Variants in SEC14L5 observed in about 807,000 individuals in gnomAD.
SEC14L5 encodes SEC14 like lipid binding 5.
A neutral mutation model predicts 84.6 loss-of-function variants in SEC14L5; 96 were observed. The observed-to-expected ratio is 1.13, with a 90% CI of 0.96 to 1.34. The LOEUF (loss-of-function observed/expected upper bound fraction) is 1.34, where lower values mean the gene tolerates loss of function less well. Ranked by LOEUF, SEC14L5 falls within the 40% of genes most tolerant of loss-of-function variation. The pLI is 0.00. For missense variants in SEC14L5, 1,224 were observed against 942.5 expected (o/e 1.30, Z -3.91); for synonymous variants, 546 against 383.4 (o/e 1.42, Z -4.95).
At chr16:4,968,084 T>C (rs973007334) in intron 2 of SEC14L5, among the ~76,000 whole-genome samples, 4 of 149,912 alleles carry the variant, frequency 2.7e-5, no homozygotes, top group Non-Finnish European at 4.4e-5. Context: ...AGTGGTGCAA[T>C]CATGGCTCAC....
chr16:5,006,142 A>G, intron 12 of SEC14L5, 94 bp downstream of exon 12: 1 of 1,353,070 alleles, frequency 7.4e-7, no homozygotes, highest in Non-Finnish European at 1.0e-6. Context: ...TGGGAGGTGG[A>G]GGGGGGCTGG....
At chr16:4,977,378 C>T (rs1209386706) in intron 2 of SEC14L5, among the ~76,000 whole-genome samples, 1 of 118,040 alleles carries the variant, frequency 8.5e-6, no homozygotes, top group Admixed American at 1.2e-4. Flanking sequence ...ACCCAGGAGG[C>T]GGAGGCGGCA....
intron 7 of SEC14L5, 97 bp downstream of exon 7, chr16:4,996,557 C>T (rs763867226): frequency 9.3e-5 from 62 of 664,198 alleles, no homozygotes; most frequent in Non-Finnish European, 3.5e-5. Context: ...ATAATGCTGA[C>T]ACATTATCTC....
chr16:4,989,973 G>T (rs1382540229), intron 4 of SEC14L5, among the ~76,000 whole-genome samples: 1 of 151,980 alleles, frequency 6.6e-6, no homozygotes, highest in Non-Finnish European at 1.5e-5. Flanking sequence ...CTCTGCCAAT[G>T]AAGTTTTCTT....
At chr16:4,969,767 G>C (rs1955252632) in intron 2 of SEC14L5, among the ~76,000 whole-genome samples, 1 of 151,760 alleles carries the variant, frequency 6.6e-6, no homozygotes, top group Admixed American at 6.6e-5. Context: ...TTTCATTAAG[G>C]GAAGCTCCAG....
intron 6 of SEC14L5, among the ~76,000 whole-genome samples, chr16:4,995,490 G>A (rs2972268): frequency 0.12 from 18,757 of 152,240 alleles, 1,522 homozygotes; most frequent in Middle Eastern, 0.22. Flanking sequence ...CCCACAATGG[G>A]GCCTGGGGAT....
At chr16:4,958,846 C>T (rs1028165963) in intron 1 of SEC14L5, among the ~76,000 whole-genome samples, 4 of 151,972 alleles carry the variant, frequency 2.6e-5, no homozygotes, top group African/African-American at 9.7e-5. Context: ...GTCAGGGTGT[C>T]TGGGAGGAAA....
chr16:4,975,894 G>C (rs1046211865), intron 2 of SEC14L5, among the ~76,000 whole-genome samples: 29 of 152,138 alleles, frequency 1.9e-4, no homozygotes, highest in African/African-American at 7.0e-4. Context: ...AGGGAAGGGA[G>C]AGCATTGGGC....
chr16:5,008,668 C>T lies in SEC14L5; in HGVS notation c.1800+20C>T. 1 of 1,591,886 alleles carries T rather than the reference C, an allele frequency of 6.3e-7. No homozygotes were observed. On this transcript the variant is annotated intron_variant, in intron 14 of 15. Transcript: ENST00000251170. The stretch of plus-strand genomic sequence containing the variant: ...ATCCAGGTTTGCATTTTCTGGACCA[C>T]TCATTCGCTCACCAAGCAGCACTGA...
At chr16:4,977,869 C>T (rs944684005) in intron 2 of SEC14L5, among the ~76,000 whole-genome samples, 8 of 151,398 alleles carry the variant, frequency 5.3e-5, no homozygotes, top group Non-Finnish European at 8.8e-5. Context: ...GGCATGATCT[C>T]GGCTCACTGC....
At position 5,000,863 on chromosome 16, in the gene SEC14L5, C is replaced by G. The variant is rs777362148; in HGVS notation, c.1068C>G (p.Ser356=). The G allele has an allele frequency of 1.9e-6, 3 of 1,605,170 alleles. No homozygotes were observed. Among genetic ancestry groups the G allele is most frequent in the South Asian group, 1.1e-5 (1 of 89,318 alleles). The part of the protein sequence containing the change: ...GEEALLRHVL[S]VNEEGQKRCE... ...CTGTCTCTCCCTTCCAGGTTCTCTC[C>G]GTCAACGAGGAAGGACAGAAGCGGT... The change falls in exon 10 of 16, where the codon TCC becomes TCG. Residue 356 remains serine (S), a synonymous_variant. Coordinates refer to ENST00000251170, the MANE Select transcript of SEC14L5 (RefSeq NM_014692.2).
In SEC14L5 at chr16:5,014,841, C is replaced by T. The variant is rs200256662; in HGVS notation, c.1980-18C>T. 6.3e-7 allele frequency: 1 copy of T among 1,599,996 alleles called. No homozygotes were observed. The highest frequency in any genetic ancestry group is 8.6e-7 in the Non-Finnish European group (1 of 1,167,716). ...GTCACTGTGAGAGGGTAACGTGTGC[C>T]ACGCCCTTCCTCCCCAGGGGCTCCA... On this transcript the variant is annotated intron_variant, in intron 15 of 15. Coordinates refer to ENST00000251170, the MANE Select transcript of SEC14L5 (RefSeq NM_014692.2).
chr16:4,977,474 A>AAAAAAG (rs1955359770), intron 2 of SEC14L5, among the ~76,000 whole-genome samples: 1 of 190 alleles, frequency 5.3e-3, no homozygotes, highest in South Asian at 0.5. Flanking sequence ...AAAAAAGGAA[A>AAAAAAG]AAAAAAGAAA....
intron 2 of SEC14L5, among the ~76,000 whole-genome samples, chr16:4,983,875 C>G (rs1001334898): frequency 8.8e-6 from 1 of 112,998 alleles, no homozygotes; most frequent in South Asian, 3.3e-4. Flanking sequence ...AAAACTCTGT[C>G]TCAAATAAAT....
At chr16:4,996,809 G>A in intron 7 of SEC14L5, 46 bp from the exon 8 acceptor site, 1 of 1,469,588 alleles carries the variant, frequency 6.8e-7, no homozygotes, top group Non-Finnish European at 9.4e-7. Flanking sequence ...TATCTGCTGG[G>A]TCAGGGGATA....
intron 8 of SEC14L5, among the ~76,000 whole-genome samples, chr16:4,997,887 C>T (rs376472950): frequency 1.3e-5 from 2 of 151,990 alleles, no homozygotes; most frequent in Non-Finnish European, 1.5e-5. Flanking sequence ...TCTGTGTCCT[C>T]GCCTCTTCTC....
chr16:4,981,157 C>T (rs893653624), intron 2 of SEC14L5, among the ~76,000 whole-genome samples: 3 of 151,500 alleles, frequency 2.0e-5, no homozygotes, highest in African/African-American at 4.9e-5. Flanking sequence ...TGCTCTGTCG[C>T]CCACGCTGGA....
At chr16:4,977,377 G>A (rs1017732134) in intron 2 of SEC14L5, among the ~76,000 whole-genome samples, 2 of 147,932 alleles carry the variant, frequency 1.4e-5, no homozygotes, top group Non-Finnish European at 1.5e-5. Flanking sequence ...AACCCAGGAG[G>A]CGGAGGCGGC....
chr16:5,000,223 C>T (rs190452822), intron 8 of SEC14L5, among the ~76,000 whole-genome samples: 2 of 149,510 alleles, frequency 1.3e-5, no homozygotes, highest in Middle Eastern at 3.5e-3. Flanking sequence ...CCTGGGAGGC[C>T]GAGGTTACAG....
Sources: gnomAD v4.1 joint callset for allele counts (sites outside exome capture counted in the v4.1 genomes callset) on GRCh38, gnomAD v4.1.1 for gene constraint, MANE v1.5 for transcripts, NCBI Gene and HGNC (gene_info 2026-07-23, HGNC 2026-07-21) for gene names.